Variants in CACNA2D3 observed in about 807,000 individuals in gnomAD.
The protein encoded by CACNA2D3 is voltage-dependent calcium channel subunit alpha-2/delta-3.
Under a neutral mutation model 160.6 loss-of-function variants are expected in CACNA2D3, and 60 were observed. That is an observed-to-expected ratio of 0.37 (90% CI 0.30 to 0.46). The LOEUF is 0.46. Ranked by LOEUF, CACNA2D3 falls within the 20% of genes least tolerant of loss-of-function variation. The probability of loss-of-function intolerance (pLI) is 1.00; values close to 1 mark genes in which losing one functional copy is unlikely to be tolerated. For synonymous variants in CACNA2D3, 558 were observed against 492.9 expected (o/e 1.13, Z -1.75); for missense variants, 1,205 against 1,365.0 (o/e 0.88, Z 1.85).
chr3:54,523,337 T>TAGATAA (rs1701676484), intron 5 of CACNA2D3, among the ~76,000 whole-genome samples: 2 of 152,176 alleles, frequency 1.3e-5, no homozygotes, highest in African/African-American at 4.8e-5. Flanking sequence ...TGATTTGGTG[T>TAGATAA]ATTAGATTAA....
At chr3:54,319,203 C>A (rs115898344) in intron 2 of CACNA2D3, among the ~76,000 whole-genome samples, 76 of 149,998 alleles carry the variant, frequency 5.1e-4, no homozygotes, top group African/African-American at 1.8e-3. Flanking sequence ...CACACACACC[C>A]TTCCTCGAGT....
intron 5 of CACNA2D3, among the ~76,000 whole-genome samples, chr3:54,548,407 G>A (rs113774993): frequency 1.3e-5 from 2 of 152,240 alleles, no homozygotes; most frequent in African/African-American, 4.8e-5. Context: ...GACATAGGAG[G>A]GAGGAGCCTT....
chr3:54,599,791 C>A (rs187581520), intron 9 of CACNA2D3, among the ~76,000 whole-genome samples: 2 of 152,270 alleles, frequency 1.3e-5, no homozygotes, highest in Non-Finnish European at 1.5e-5. Context: ...ATCACTGAAG[C>A]TTTTAGTGCC....
rs77181915 is a variant in CACNA2D3 at position 54,437,428 on chromosome 3, G to C, written c.381+50654G>C. 8.1e-3 allele frequency among the ~76,000 whole-genome samples: 1,234 copies of C among 152,244 alleles called. 15 individuals are homozygous for C. Among genetic ancestry groups the C allele is most frequent in the African/African-American group, 0.028 (1,171 of 41,538 alleles). ...TTTCTAAGTAAAATAAAACCCCTTGGGTATTTTCCCGTGTGTTGTTTCCTT... is the reference window on the plus strand; with the variant it reads ...TTTCTAAGTAAAATAAAACCCCTTGCGTATTTTCCCGTGTGTTGTTTCCTT... On this transcript the variant is annotated intron_variant, in intron 4 of 37. Transcript: ENST00000474759.
chr3:54,507,199 A>G (rs1559500217), intron 5 of CACNA2D3, among the ~76,000 whole-genome samples: 1 of 152,192 alleles, frequency 6.6e-6, no homozygotes, highest in East Asian at 1.9e-4. Context: ...TGTTCACTGA[A>G]CACACCTTCC....
intron 21 of CACNA2D3, among the ~76,000 whole-genome samples, chr3:54,883,815 C>CTCTCTCTCTCTCTCTCTCTCTT (rs1428502988): frequency 7.0e-5 from 10 of 142,474 alleles, no homozygotes; most frequent in African/African-American, 2.6e-4. Context: ...CTCTCTCTCT[C>CTCTCTCTCTCTCTCTCTCTCTT]TCTCTCTCCT....
chr3:54,271,706 G>A (rs1011970433), intron 2 of CACNA2D3, among the ~76,000 whole-genome samples: 1 of 152,138 alleles, frequency 6.6e-6, no homozygotes, highest in African/African-American at 2.4e-5. Context: ...GCTCTCTCTG[G>A]CTCTCCCTGG....
intron 4 of CACNA2D3, among the ~76,000 whole-genome samples, chr3:54,417,636 C>A (rs1175373798): frequency 6.6e-6 from 1 of 152,094 alleles, no homozygotes; most frequent in African/African-American, 2.4e-5. Context: ...ATCTCCCTAC[C>A]CCCTCAAATA....
intron 4 of CACNA2D3, among the ~76,000 whole-genome samples, chr3:54,391,491 G>GCTTTCTTTCTTT (rs569183232): frequency 2.0e-5 from 3 of 150,022 alleles, no homozygotes; most frequent in African/African-American, 7.4e-5. Flanking sequence ...TGGCGGGGTG[G>GCTTTCTTTCTTT]CTTTCTTTCT....
At chr3:54,788,556 C>T (rs1326902238) in intron 13 of CACNA2D3, among the ~76,000 whole-genome samples, 2 of 152,224 alleles carry the variant, frequency 1.3e-5, no homozygotes, top group Admixed American at 6.5e-5. Flanking sequence ...TACTGAGGAA[C>T]TGACCTTTGT....
At chr3:54,915,662 A>T (rs770032624) in intron 27 of CACNA2D3, among the ~76,000 whole-genome samples, 2 of 152,226 alleles carry the variant, frequency 1.3e-5, no homozygotes, top group Non-Finnish European at 2.9e-5. Flanking sequence ...CAGTTAAAAC[A>T]TTTCATTTCT....
chr3:54,217,323 C>T (rs1577005228), intron 2 of CACNA2D3, among the ~76,000 whole-genome samples: 2 of 152,282 alleles, frequency 1.3e-5, no homozygotes, highest in South Asian at 2.1e-4. Context: ...GTGTCCCTTC[C>T]CCTGGGTTCT....
At chr3:54,854,689 G>C (rs17054469) in intron 17 of CACNA2D3, among the ~76,000 whole-genome samples, 2 of 152,138 alleles carry the variant, frequency 1.3e-5, no homozygotes, top group African/African-American at 4.8e-5. Flanking sequence ...TCATTGCCTC[G>C]TGCGTGGAGT....
Position 54,224,541 on chromosome 3 carries a change from T to C in CACNA2D3, c.205-95901T>C, listed in dbSNP as rs192411304. Among the ~76,000 whole-genome samples, 6 of 152,290 alleles carry C rather than the reference T, an allele frequency of 3.9e-5. No individual in the cohort carries two copies. The East Asian group carries it at 1.2e-3, about 29-fold the overall frequency. ...CACTAAGTGATAGGAATATTCCAGC[T>C]CCATTATAATCTTATGAGACCACCG... On this transcript the variant is annotated intron_variant, in intron 2 of 37. Transcript: ENST00000474759.
In CACNA2D3 at chr3:54,664,745, G is replaced by A. The variant is rs1260426839; in HGVS notation, c.1167+22504G>A. Among the ~76,000 whole-genome samples, 7 of 152,340 alleles carry A rather than the reference G, an allele frequency of 4.6e-5. No individual in the cohort carries two copies. In the East Asian group the frequency reaches 1.3e-3, roughly 29 times the overall value. On this transcript the variant is annotated intron_variant, in intron 11 of 37. Transcript: ENST00000474759. ...GACCTCCTGTAGATGGGAAAGGGCT[G>A]AGCAGGGGGACTCAGAGGCTGGTGC...
intron 11 of CACNA2D3, among the ~76,000 whole-genome samples, chr3:54,681,789 A>G (rs1700356356): frequency 6.6e-6 from 1 of 151,936 alleles, no homozygotes; most frequent in Non-Finnish European, 1.5e-5. Flanking sequence ...AGTGATTCTC[A>G]TGCCTCCACT....
chr3:54,299,062 G>C (rs919114476), intron 2 of CACNA2D3, among the ~76,000 whole-genome samples: 1 of 151,906 alleles, frequency 6.6e-6, no homozygotes, highest in East Asian at 1.9e-4. Flanking sequence ...GAAGAAATGT[G>C]GGCCAGTTCG....
chr3:54,583,546 G>A (rs1403183029), intron 9 of CACNA2D3, among the ~76,000 whole-genome samples: 2 of 152,236 alleles, frequency 1.3e-5, no homozygotes, highest in Admixed American at 1.3e-4. Context: ...GGGACTAGAA[G>A]TGTTTCTGAT....
intron 3 of CACNA2D3, among the ~76,000 whole-genome samples, chr3:54,328,287 T>C (rs1704163023): frequency 6.6e-6 from 1 of 152,170 alleles, no homozygotes; most frequent in Non-Finnish European, 1.5e-5. Flanking sequence ...GTTTGTTTGT[T>C]TTTTTGGTTT....
Sources: allele counts gnomAD v4.1 joint callset (sites outside exome capture counted in the v4.1 genomes callset), GRCh38; gene constraint gnomAD v4.1.1; transcripts MANE v1.5; gene names NCBI Gene and HGNC (gene_info 2026-07-23, HGNC 2026-07-21).